Variants in SMOC2 observed in about 807,000 individuals in gnomAD.
The protein encoded by SMOC2 is SPARC related modular calcium binding 2, also known as SPARC-related modular calcium-binding protein 2.
A neutral mutation model predicts 61.4 loss-of-function variants in SMOC2; 39 were observed. The observed-to-expected ratio is 0.64, with a 90% CI of 0.49 to 0.83. SMOC2 has a LOEUF of 0.83. Ranked by LOEUF, SMOC2 falls within the 40% of genes least tolerant of loss-of-function variation. The pLI, the probability that SMOC2 is intolerant of heterozygous loss-of-function variation, is 0.00. For missense variants in SMOC2, 556 were observed against 592.9 expected (o/e 0.94, Z 0.65); for synonymous variants, 247 against 239.9 (o/e 1.03, Z -0.27).
intron 1 of SMOC2, among the ~76,000 whole-genome samples, chr6:168,464,301 C>T (rs928166813): frequency 4.0e-5 from 6 of 151,784 alleles, no homozygotes; most frequent in South Asian, 2.1e-4. Context: ...GAAGGACGGA[C>T]GGAAGGAAGG....
rs371830423 is a variant in SMOC2 at position 168,518,636 on chromosome 6, AGT to A, written c.257-7707_257-7706del. Among the ~76,000 whole-genome samples the A allele has an allele frequency of 1.1e-4, 16 of 147,924 alleles. No homozygotes were observed. In the East Asian group the frequency reaches 1.4e-3, roughly 13 times the overall value. ...GCATGTATGACTGAGTGCATGTGTG[AGT>A]GTATGCTTGTGTGGGTGTGTATGTA... On this transcript the variant is annotated intron_variant, in intron 2 of 12. Transcript: ENST00000356284.
At chr6:168,642,289 A>G (rs1786910187) in intron 9 of SMOC2, among the ~76,000 whole-genome samples, 1 of 152,242 alleles carries the variant, frequency 6.6e-6, no homozygotes, top group Non-Finnish European at 1.5e-5. Context: ...CGGATTGGCT[A>G]CAGCTCGGCG....
At chr6:168,666,248 G>T (rs1787658614) in intron 12 of SMOC2, among the ~76,000 whole-genome samples, 173 bp from the exon 13 acceptor site, 1 of 152,094 alleles carries the variant, frequency 6.6e-6, no homozygotes, top group South Asian at 2.1e-4. Flanking sequence ...AAACTGTTAA[G>T]AAGTTACCAG....
intron 1 of SMOC2, among the ~76,000 whole-genome samples, chr6:168,455,131 A>G (rs1197611750): frequency 1.3e-5 from 2 of 151,936 alleles, no homozygotes; most frequent in Non-Finnish European, 2.9e-5. Context: ...CTTGGGAGGA[A>G]CTGGGGCTTT....
chr6:168,590,883 G>A (rs1330202852), intron 7 of SMOC2, among the ~76,000 whole-genome samples: 1 of 151,986 alleles, frequency 6.6e-6, no homozygotes, highest in Non-Finnish European at 1.5e-5. Flanking sequence ...TGCTAGTTTG[G>A]GAAACGAACT....
At chr6:168,515,323 C>T (rs373386203) in intron 2 of SMOC2, among the ~76,000 whole-genome samples, 7 of 152,264 alleles carry the variant, frequency 4.6e-5, no homozygotes, top group Middle Eastern at 3.4e-3. Context: ...GCTGCCAAGG[C>T]GGCAAACGTT....
intron 2 of SMOC2, among the ~76,000 whole-genome samples, chr6:168,524,433 G>T (rs1783407696): frequency 1.3e-5 from 2 of 152,218 alleles, no homozygotes; most frequent in Admixed American, 6.5e-5. Context: ...GCAGATTTCA[G>T]AACTATCTGA....
intron 9 of SMOC2, among the ~76,000 whole-genome samples, chr6:168,624,917 A>G (rs1786359470): frequency 2.0e-5 from 3 of 151,916 alleles, no homozygotes; most frequent in Admixed American, 1.3e-4. Context: ...GTACACAGAC[A>G]CACACATCCC....
intron 9 of SMOC2, among the ~76,000 whole-genome samples, chr6:168,612,208 A>G (rs1785891817): frequency 6.6e-6 from 1 of 150,746 alleles, no homozygotes; most frequent in Non-Finnish European, 1.5e-5. Flanking sequence ...TGGGTTCGTG[A>G]TCTCCATCGG....
At position 168,621,288 on chromosome 6, in the gene SMOC2, T is replaced by G. The variant is rs372992956; in HGVS notation, c.907+13049T>G. Among the ~76,000 whole-genome samples, 5 of 152,350 alleles carry G rather than the reference T, an allele frequency of 3.3e-5. No individual in the cohort carries two copies. In the East Asian group the frequency reaches 9.6e-4, roughly 29 times the overall value. Reference sequence around the variant, plus strand: ...TCTTTTCTCTACGCTTTTCCTGATGTAATCAACTTACTTGAAATGTATAAT... The same window carrying G: ...TCTTTTCTCTACGCTTTTCCTGATGGAATCAACTTACTTGAAATGTATAAT... On this transcript the variant is annotated intron_variant, in intron 9 of 12. Coordinates refer to ENST00000356284, the MANE Select transcript of SMOC2 (RefSeq NM_001166412.2).
intron 7 of SMOC2, among the ~76,000 whole-genome samples, chr6:168,597,519 G>A (rs1456660388): frequency 6.6e-6 from 1 of 152,216 alleles, no homozygotes; most frequent in Non-Finnish European, 1.5e-5. Context: ...GCTGGGCTGT[G>A]ATGTGGACGC....
At chr6:168,524,932 G>A (rs1329086494) in intron 2 of SMOC2, among the ~76,000 whole-genome samples, 2 of 152,248 alleles carry the variant, frequency 1.3e-5, no homozygotes, top group Non-Finnish European at 2.9e-5. Flanking sequence ...GCTGTGACGG[G>A]TGGAGCCCAG....
chr6:168,498,245 G>C (rs1782639094), intron 1 of SMOC2, among the ~76,000 whole-genome samples: 1 of 152,172 alleles, frequency 6.6e-6, no homozygotes, highest in African/African-American at 2.4e-5. Context: ...GCATTTCCCT[G>C]GCTTTCCAGG....
At chr6:168,514,094 A>C (rs1261147569) in intron 2 of SMOC2, among the ~76,000 whole-genome samples, 2 of 152,112 alleles carry the variant, frequency 1.3e-5, no homozygotes, top group African/African-American at 4.8e-5. Flanking sequence ...GTGGGGTCAT[A>C]AGCACAGGAC....
At chr6:168,599,107 G>GTC (rs1354433906) in intron 8 of SMOC2, 103 bp downstream of exon 8, 21 of 1,026,822 alleles carry the variant, frequency 2.0e-5, no homozygotes, top group African/African-American at 3.4e-5. Context: ...CCGACACACA[G>GTC]TCACACACAC....
At chr6:168,660,038 G>A (rs200393063) in intron 11 of SMOC2, among the ~76,000 whole-genome samples, 1 of 152,200 alleles carries the variant, frequency 6.6e-6, no homozygotes, top group Middle Eastern at 3.4e-3. Context: ...GGGTGAGGGT[G>A]GAGGTTGTAG....
At chr6:168,518,984 CGT>C (rs758826666) in intron 2 of SMOC2, among the ~76,000 whole-genome samples, 7 of 143,422 alleles carry the variant, frequency 4.9e-5, no homozygotes, top group African/African-American at 7.9e-5. Context: ...TGTATGCATG[CGT>C]GTGTATGCGT....
intron 7 of SMOC2, among the ~76,000 whole-genome samples, chr6:168,566,039 G>T (rs1040514880): frequency 1.6e-4 from 24 of 152,260 alleles, no homozygotes; most frequent in African/African-American, 5.1e-4. Context: ...TTCAATTGGT[G>T]ATTCTTTTTT....
At position 168,608,217 on chromosome 6, in the gene SMOC2, G is replaced by A. The variant is rs1203480162; in HGVS notation, c.885G>A (p.Leu295=). The change falls in exon 9 of 13, where the codon CTG becomes CTA. Residue 295 remains leucine, a synonymous_variant. Coordinates refer to ENST00000356284, the MANE Select transcript of SMOC2 (RefSeq NM_001166412.2). ...ARAHPAKARD[L]YKGRQLQGCP... is the part of the protein sequence containing the mutation. ...CCCACCCAGCCAAAGCCCGGGACCT[G>A]TACAAGGGCCGCCAGCTACAAGGTG... The A allele has an allele frequency of 2.5e-6, 4 of 1,613,160 alleles. No homozygotes were observed. Among genetic ancestry groups the A allele is most frequent in the Admixed American group, 1.7e-5 (1 of 59,938 alleles).
Sources: allele counts gnomAD v4.1 joint callset (sites outside exome capture counted in the v4.1 genomes callset), GRCh38; gene constraint gnomAD v4.1.1; transcripts MANE v1.5; gene names NCBI Gene and HGNC (gene_info 2026-07-23, HGNC 2026-07-21).